Variants in ZBTB20 observed in about 807,000 individuals in gnomAD.
ZBTB20 encodes zinc finger and BTB domain containing 20, also known as zinc finger and BTB domain-containing protein 20.
Under a neutral mutation model 56.9 loss-of-function variants are expected in ZBTB20, and 9 were observed. The ratio of observed to expected loss-of-function variants is 0.16; its 90% confidence interval spans 0.10 to 0.28. The LOEUF is 0.28. Ranked by LOEUF, ZBTB20 falls within the 10% of genes least tolerant of loss-of-function variation. The pLI is 1.00. For synonymous variants in ZBTB20, 417 were observed against 420.7 expected (o/e 0.99, Z 0.11); for missense variants, 655 against 1,003.0 (o/e 0.65, Z 4.69).
chr3:114,968,613 T>A (rs1253187101), intron 3 of ZBTB20, among the ~76,000 whole-genome samples: 1 of 152,086 alleles, frequency 6.6e-6, no homozygotes, highest in Non-Finnish European at 1.5e-5. Flanking sequence ...ATACTCCACA[T>A]ATACACCCAA....
In ZBTB20 at chr3:114,848,638, A is replaced by G. The variant is rs148887422; in HGVS notation, c.-416-47464T>C. On this transcript the variant is annotated intron_variant, in intron 4 of 11. Transcript: ENST00000675478. Reference sequence around the variant, plus strand: ...TGCTCAAGACAAGTCATTCCTCTCTAATGATACAGTTTCTAATCCTCTGCC... The same window carrying G: ...TGCTCAAGACAAGTCATTCCTCTCTGATGATACAGTTTCTAATCCTCTGCC... Among the ~76,000 whole-genome samples the G allele has an allele frequency of 2.6e-5, 4 of 152,234 alleles. No homozygotes were observed. In the East Asian group the frequency reaches 7.7e-4, roughly 29 times the overall value.
chr3:114,744,722 C>A (rs901293754), intron 5 of ZBTB20, among the ~76,000 whole-genome samples: 6 of 152,124 alleles, frequency 3.9e-5, no homozygotes, highest in African/African-American at 2.4e-5. Context: ...ATAGAATTTG[C>A]ATTTTATGCA....
At chr3:114,780,065 C>T (rs950840568) in intron 5 of ZBTB20, among the ~76,000 whole-genome samples, 4 of 152,110 alleles carry the variant, frequency 2.6e-5, no homozygotes, top group African/African-American at 9.7e-5. Context: ...CTGAATAAAA[C>T]CAGACTTTAA....
At chr3:114,983,505 G>A (rs971061900) in intron 2 of ZBTB20, among the ~76,000 whole-genome samples, 49 of 152,042 alleles carry the variant, frequency 3.2e-4, no homozygotes, top group African/African-American at 1.1e-3. Context: ...TGTTGAAAAA[G>A]CTGATGAAAG....
rs139264860 is a variant in ZBTB20 at position 114,543,403 on chromosome 3, A to G, written c.-294-43012T>C. 6.4e-3 allele frequency among the ~76,000 whole-genome samples: 978 copies of G among 152,222 alleles called. 4 individuals carry two copies. The highest frequency in any genetic ancestry group is 0.011 in the Non-Finnish European group (757 of 68,006). ...TCCCTATGTTAAAGCAATGGTGTAG[A>G]TGAGATTTCTCTGAATAGAGGGGAG... On this transcript the variant is annotated intron_variant, in intron 6 of 11. Coordinates refer to ENST00000675478, the MANE Select transcript of ZBTB20 (RefSeq NM_001348800.3).
intron 6 of ZBTB20, among the ~76,000 whole-genome samples, chr3:114,614,193 T>C (rs1289505024): frequency 6.6e-6 from 1 of 152,182 alleles, no homozygotes; most frequent in Non-Finnish European, 1.5e-5. Context: ...GAGAAATATA[T>C]ATGAGAAATG....
At chr3:114,715,380 A>C in intron 5 of ZBTB20, among the ~76,000 whole-genome samples, 1 of 152,096 alleles carries the variant, frequency 6.6e-6, no homozygotes, top group East Asian at 1.9e-4. Flanking sequence ...GCTTTTAAGG[A>C]AGGTTAGGGA....
intron 10 of ZBTB20, among the ~76,000 whole-genome samples, chr3:114,352,211 G>A (rs6785162): frequency 0.58 from 87,462 of 152,060 alleles, 25,508 homozygotes; most frequent in East Asian, 0.88. Context: ...GCAAAGAACT[G>A]AAAGGCAAAT....
At chr3:114,889,327 G>T (rs2076720524) in intron 4 of ZBTB20, among the ~76,000 whole-genome samples, 1 of 151,608 alleles carries the variant, frequency 6.6e-6, no homozygotes, top group Non-Finnish European at 1.5e-5. Flanking sequence ...TTTTTCTTTT[G>T]GTTTTTTAAC....
intron 2 of ZBTB20, among the ~76,000 whole-genome samples, chr3:115,028,170 C>T (rs2080504177): frequency 6.6e-6 from 1 of 150,780 alleles, no homozygotes; most frequent in Non-Finnish European, 1.5e-5. Context: ...TCTCCTTAAA[C>T]CCCAGTTTTA....
rs1421540224 is a variant in ZBTB20 at position 114,326,165 on chromosome 3, C to T, written c.*12840G>A. 6.6e-6 allele frequency: 1 copy of T among 152,154 alleles called. No homozygotes were observed. The highest frequency in any genetic ancestry group is 1.5e-5 in the Non-Finnish European group (1 of 68,026). The allele number at this position is 152,154 out of a possible 1,614,324, so 9.4% of individuals were successfully genotyped here. Reference sequence around the variant, plus strand: ...TTTGGCATTTCGGCAGCACCCCTTCCTTTTCTTTCCTGGGTATCTTGCAGT... The same window carrying T: ...TTTGGCATTTCGGCAGCACCCCTTCTTTTTCTTTCCTGGGTATCTTGCAGT... On this transcript the variant is annotated 3_prime_UTR_variant, in exon 12 of 12. Transcript: ENST00000675478.
intron 6 of ZBTB20, among the ~76,000 whole-genome samples, chr3:114,654,142 T>A (rs1206404484): frequency 6.6e-6 from 1 of 151,838 alleles, no homozygotes; most frequent in Non-Finnish European, 1.5e-5. Context: ...TTTTTACTGC[T>A]TTTGGGTTTA....
At chr3:114,525,923 T>C (rs918833644) in intron 6 of ZBTB20, among the ~76,000 whole-genome samples, 1 of 152,222 alleles carries the variant, frequency 6.6e-6, no homozygotes, top group African/African-American at 2.4e-5. Context: ...TCTACACTCT[T>C]GCACTGCAAT....
At position 114,337,629 on chromosome 3, in the gene ZBTB20, G is replaced by C. The variant is rs2079503515; in HGVS notation, c.*1376C>G. On this transcript the variant is annotated 3_prime_UTR_variant, in exon 12 of 12. Transcript: ENST00000675478. Reference sequence around the variant, plus strand: ...AAGCAGCAATTCAAATTACAGCAGGGATGGGCTGGCCACAGAGGCCCTCAT... The same window carrying C: ...AAGCAGCAATTCAAATTACAGCAGGCATGGGCTGGCCACAGAGGCCCTCAT... 2 of 152,070 alleles carry C rather than the reference G, an allele frequency of 1.3e-5. No homozygotes were observed. The highest frequency in any genetic ancestry group is 6.6e-5 in the Admixed American group (1 of 15,266). The allele number at this position is 152,070 out of a possible 1,614,324, so 9.4% of individuals were successfully genotyped here. A position where few individuals can be genotyped will look rare whatever the true frequency, so the allele number is the denominator to read the frequency against.
At chr3:114,447,325 A>G (rs182578093) in intron 7 of ZBTB20, among the ~76,000 whole-genome samples, 23 of 152,214 alleles carry the variant, frequency 1.5e-4, no homozygotes, top group African/African-American at 5.5e-4. Context: ...GAATTAAATG[A>G]AAGGAGATCT....
At chr3:114,786,666 G>C (rs1004073485) in intron 5 of ZBTB20, among the ~76,000 whole-genome samples, 1 of 145,994 alleles carries the variant, frequency 6.8e-6, no homozygotes, top group Non-Finnish European at 1.5e-5. Context: ...AAAGATTATG[G>C]CTCCAGAATC....
At chr3:115,014,816 CT>C (rs1454170308) in intron 2 of ZBTB20, among the ~76,000 whole-genome samples, 5 of 151,582 alleles carry the variant, frequency 3.3e-5, no homozygotes, top group African/African-American at 1.2e-4. Flanking sequence ...CATTTGAGTA[CT>C]TTTCTCATTA....
intron 9 of ZBTB20, 117 bp from the exon 10 acceptor site, chr3:114,380,521 C>A: frequency 1.6e-6 from 2 of 1,265,760 alleles, no homozygotes; most frequent in Non-Finnish European, 2.1e-6. Context: ...GGGAGGGAGT[C>A]CAGTATGTCC....
intron 4 of ZBTB20, among the ~76,000 whole-genome samples, chr3:114,873,442 GAT>G (rs2076080032): frequency 6.6e-6 from 1 of 152,090 alleles, no homozygotes; most frequent in South Asian, 2.1e-4. Context: ...TGGATCACAT[GAT>G]TTTCTCCTTT....
Sources: allele counts gnomAD v4.1 joint callset (sites outside exome capture counted in the v4.1 genomes callset), GRCh38; gene constraint gnomAD v4.1.1; transcripts MANE v1.5; gene names NCBI Gene and HGNC (gene_info 2026-07-23, HGNC 2026-07-21).